Variants in CD244 observed in about 807,000 individuals in gnomAD.
CD244 encodes the protein natural killer cell receptor 2B4.
A neutral mutation model predicts 45.5 loss-of-function variants in CD244; 20 were observed. The observed-to-expected ratio is 0.44, with a 90% CI of 0.31 to 0.64. The LOEUF (loss-of-function observed/expected upper bound fraction) is 0.64. CD244 is among the 30% of genes least tolerant of loss of function. The pLI is 0.08. For missense variants in CD244, 407 were observed against 426.9 expected (o/e 0.95, Z 0.41); for synonymous variants, 185 against 160.5 (o/e 1.15, Z -1.15).
At chr1:160,840,586 C>T (rs977311627) in intron 3 of CD244, among the ~76,000 whole-genome samples, 7 of 152,100 alleles carry the variant, frequency 4.6e-5, no homozygotes, top group Non-Finnish European at 1.0e-4. Context: ...TTTTTGTCCA[C>T]AAGTAGTTAT....
chr1:160,851,633 C>A (rs1019788534), intron 1 of CD244, among the ~76,000 whole-genome samples: 1 of 152,136 alleles, frequency 6.6e-6, no homozygotes, highest in Non-Finnish European at 1.5e-5. Flanking sequence ...TTGAGATAGA[C>A]AAATGTTTCC....
Position 160,841,842 on chromosome 1 carries a change from G to T in CD244, c.121C>A (p.Pro41Thr). 1.9e-6 allele frequency: 3 copies of T among 1,614,134 alleles called. No individual in the cohort carries two copies. The highest frequency in any genetic ancestry group is 1.7e-6 in the Non-Finnish European group (2 of 1,180,014). The change falls in exon 2 of 9, where the codon CCA becomes ACA. Residue 41 changes from proline to threonine, a missense_variant. Transcript: ENST00000368034. ...TCAACCTTCGTCTGTATGCTGTTTG[G>T]TTGTAACTGAAGAGGCACTCCCGAG... is the stretch of plus-strand genomic sequence containing the variant. ...SISGVPLQLQ[P>T]NSIQTKVDSI...
chr1:160,835,288 G>A (rs773498489), intron 6 of CD244, among the ~76,000 whole-genome samples: 1 of 152,058 alleles, frequency 6.6e-6, no homozygotes, highest in Non-Finnish European at 1.5e-5. Context: ...GTATGAGGAG[G>A]TGCAATGGAG....
chr1:160,834,132 A>G lies in CD244; in HGVS notation c.895-16T>C. The G allele has an allele frequency of 6.4e-7, 1 of 1,554,548 alleles. No individual in the cohort carries two copies. Among genetic ancestry groups the G allele is most frequent in the East Asian group, 2.2e-5 (1 of 44,608 alleles). On this transcript the variant is annotated splice_polypyrimidine_tract_variant and intron_variant, in intron 6 of 8. Coordinates refer to ENST00000368034, the MANE Select transcript of CD244 (RefSeq NM_016382.4). ...GAGCAGAAGACTAATGAGAAGAGAA[A>G]TAAAATCATTTCAGAAGCACAGATC... is the stretch of plus-strand genomic sequence containing the variant.
chr1:160,842,013 GC>G, intron 1 of CD244, 112 bp from the exon 2 acceptor site: 1 of 770,488 alleles, frequency 1.3e-6, no homozygotes, highest in Non-Finnish European at 2.1e-6. Flanking sequence ...AGTATGAGGA[GC>G]CCAGAACCTA....
intron 1 of CD244, among the ~76,000 whole-genome samples, chr1:160,851,703 T>A (rs764682902): frequency 2.0e-5 from 3 of 152,174 alleles, no homozygotes; most frequent in Non-Finnish European, 4.4e-5. Context: ...ATTATGAGAC[T>A]GGCTAATTTT....
Position 160,838,469 on chromosome 1 carries a change from C to G in CD244, c.816G>C (p.Leu272=). The G allele has an allele frequency of 6.2e-7, 1 of 1,613,620 alleles. No individual in the cohort carries two copies. Residue 272 remains leucine (L), a synonymous_variant, in exon 5 of 9, where the codon CTG becomes CTC. Coordinates refer to ENST00000368034, the MANE Select transcript of CD244 (RefSeq NM_016382.4). ...FLTIYEDVKD[L]KTRRNHEQEQ... is the part of the protein sequence containing the mutation. ...GACATACGTGATTTCTCCTGGTTTT[C>G]AGATCCTTGACATCTTCGTAAATTG...
intron 1 of CD244, among the ~76,000 whole-genome samples, chr1:160,861,597 G>A (rs1670306870): frequency 6.6e-6 from 1 of 152,174 alleles, no homozygotes; most frequent in Non-Finnish European, 1.5e-5. Context: ...TTGGATGGGG[G>A]AGACCAAGGT....
chr1:160,838,263 T>C (rs1669400895), intron 5 of CD244, among the ~76,000 whole-genome samples, 188 bp downstream of exon 5: 1 of 152,176 alleles, frequency 6.6e-6, no homozygotes, highest in Non-Finnish European at 1.5e-5. Flanking sequence ...TCTGCTCCTT[T>C]TGTTTCCTCT....
chr1:160,834,640 C>A (rs550466586), intron 6 of CD244, among the ~76,000 whole-genome samples: 6 of 152,220 alleles, frequency 3.9e-5, no homozygotes, highest in Non-Finnish European at 7.3e-5. Context: ...CATGAGCCAC[C>A]GCGCCTGGCC....
chr1:160,834,127 G>C lies in CD244; in HGVS notation c.895-11C>G, dbSNP rs745704473. 1 of 1,571,550 alleles carries C rather than the reference G, an allele frequency of 6.4e-7. No individual in the cohort carries two copies. Among genetic ancestry groups the C allele is most frequent in the Non-Finnish European group, 8.8e-7 (1 of 1,141,360 alleles). ...CGTGGGAGCAGAAGACTAATGAGAAGAGAAATAAAATCATTTCAGAAGCAC... is the reference window on the plus strand; with the variant it reads ...CGTGGGAGCAGAAGACTAATGAGAACAGAAATAAAATCATTTCAGAAGCAC... On this transcript the variant is annotated splice_polypyrimidine_tract_variant and intron_variant, in intron 6 of 8. Transcript: ENST00000368034.
rs1263345394 is a variant in CD244, at chr1:160,838,972, C to G, written c.733G>C (p.Val245Leu). ...LFLGTLACFC[V>L]WRRKRKEKQS... Reference sequence around the variant, plus strand: ...TTCTCCTTCCTCTTTCTCCTCCACACACAGAAGCAGGCAAGGGTGCCAAGG... The same window carrying G: ...TTCTCCTTCCTCTTTCTCCTCCACAGACAGAAGCAGGCAAGGGTGCCAAGG... The change falls in exon 4 of 9, where the codon GTG becomes CTG. Residue 245 changes from valine (V) to leucine (L), a missense_variant. Coordinates refer to ENST00000368034, the MANE Select transcript of CD244 (RefSeq NM_016382.4). 1 of 1,614,054 alleles carries G rather than the reference C, an allele frequency of 6.2e-7. No individual in the cohort carries two copies. Among genetic ancestry groups the G allele is most frequent in the Non-Finnish European group, 8.5e-7 (1 of 1,179,940 alleles).
intron 1 of CD244, among the ~76,000 whole-genome samples, chr1:160,847,086 T>C (rs1410609441): frequency 6.6e-6 from 1 of 151,776 alleles, no homozygotes; most frequent in Non-Finnish European, 1.5e-5. Context: ...AAAAAAGACA[T>C]AAGATGTATA....
intron 6 of CD244, 68 bp downstream of exon 6, chr1:160,836,123 TGTGA>T: frequency 9.1e-7 from 1 of 1,094,846 alleles, no homozygotes; most frequent in Non-Finnish European, 1.4e-6. Context: ...CATTCAATGG[TGTGA>T]GTTTCAGGGG....
At chr1:160,851,832 T>C (rs933025956) in intron 1 of CD244, among the ~76,000 whole-genome samples, 2 of 152,106 alleles carry the variant, frequency 1.3e-5, no homozygotes, top group Non-Finnish European at 2.9e-5. Context: ...CATGAGCCAC[T>C]GCACCCAGAC....
Position 160,831,274 on chromosome 1 carries a change from T to G in CD244, c.*73A>C, listed in dbSNP as rs1170357526. 1 of 1,053,622 alleles carries G rather than the reference T, an allele frequency of 9.5e-7. No individual in the cohort carries two copies. Among genetic ancestry groups the G allele is most frequent in the African/African-American group, 1.6e-5 (1 of 63,874 alleles). The allele number at this position is 1,053,622 out of a possible 1,614,324, so 65.3% of individuals were successfully genotyped here. On this transcript the variant is annotated 3_prime_UTR_variant, in exon 9 of 9. Transcript: ENST00000368034. ...CTAGGAACTGTTCTATAGAGACTCC[T>G]GTGCCGTCATCCACTGTGCCAATTC...
intron 1 of CD244, among the ~76,000 whole-genome samples, chr1:160,859,828 T>C (rs1245150326): frequency 2.0e-5 from 3 of 151,754 alleles, no homozygotes; most frequent in African/African-American, 7.3e-5. Context: ...GAGGATGGCT[T>C]GAGCCTGCGA....
At chr1:160,845,433 T>C (rs1161294314) in intron 1 of CD244, among the ~76,000 whole-genome samples, 3 of 152,064 alleles carry the variant, frequency 2.0e-5, no homozygotes, top group African/African-American at 7.2e-5. Context: ...TAAGTGTAAT[T>C]GGAAAGCAAG....
chr1:160,854,410 T>C (rs1265899930), intron 1 of CD244, among the ~76,000 whole-genome samples: 2 of 152,168 alleles, frequency 1.3e-5, no homozygotes, highest in Non-Finnish European at 2.9e-5. Context: ...TAAGACAGAG[T>C]CTCGCTCTGT....
Sources: gnomAD v4.1 joint callset for allele counts (sites outside exome capture counted in the v4.1 genomes callset) on GRCh38, gnomAD v4.1.1 for gene constraint, MANE v1.5 for transcripts, NCBI Gene and HGNC (gene_info 2026-07-23, HGNC 2026-07-21) for gene names.